The following DNAH6 variants were observed in gnomAD, a reference collection of about 807,000 sequenced individuals.
The protein encoded by DNAH6 is axonemal beta dynein heavy chain 6.
A neutral mutation model predicts 491.4 loss-of-function variants in DNAH6; 340 were observed. That is an observed-to-expected ratio of 0.69 (90% CI 0.63 to 0.76). DNAH6 has a LOEUF of 0.76. DNAH6 is among the 30% of genes least tolerant of loss of function. The pLI is 0.00. For missense variants in DNAH6, 4,443 were observed against 4,972.2 expected (o/e 0.89, Z 3.20); for synonymous variants, 1,603 against 1,686.1 (o/e 0.95, Z 1.21).
intron 29 of DNAH6, among the ~76,000 whole-genome samples, chr2:84,625,888 A>G (rs1687811018): frequency 6.6e-6 from 1 of 152,204 alleles, no homozygotes; most frequent in African/African-American, 2.4e-5. Flanking sequence ...GGACTCTGAA[A>G]AGAGGAATTT....
chr2:84,769,916 C>T (rs1176503296), intron 64 of DNAH6, among the ~76,000 whole-genome samples: 2 of 152,112 alleles, frequency 1.3e-5, no homozygotes, highest in Non-Finnish European at 2.9e-5. Flanking sequence ...TGAGTGTGTA[C>T]TCACAAAAGA....
the DNAH6 span, among the ~76,000 whole-genome samples, chr2:84,497,855 G>A: frequency 1.3e-5 from 2 of 152,158 alleles, no homozygotes; most frequent in Non-Finnish European, 2.9e-5. Context: ...GGCAATAGAT[G>A]GCATTAGAAT....
At chr2:84,686,683 C>A (rs1694291349) in intron 44 of DNAH6, 126 bp downstream of exon 44, 4 of 589,420 alleles carry the variant, frequency 6.8e-6, no homozygotes, top group Non-Finnish European at 1.2e-5. Flanking sequence ...CAGATGTCAG[C>A]AAACTATGGC....
At chr2:84,550,214 C>T (rs1245450808) in intron 9 of DNAH6, among the ~76,000 whole-genome samples, 157 bp downstream of exon 9, 3 of 152,122 alleles carry the variant, frequency 2.0e-5, no homozygotes, top group Admixed American at 2.0e-4. Context: ...AGACCAGTTT[C>T]ATGGAAGATA....
chr2:84,599,777 T>C (rs75687582), intron 18 of DNAH6, among the ~76,000 whole-genome samples: 4,364 of 152,298 alleles, frequency 0.029, 227 homozygotes, highest in African/African-American at 0.099. Flanking sequence ...CTAGTAAGTG[T>C]TGAAATCAAG....
chr2:84,479,599 T>C, the DNAH6 span, among the ~76,000 whole-genome samples: 1 of 152,206 alleles, frequency 6.6e-6, no homozygotes, highest in African/African-American at 2.4e-5. Flanking sequence ...CAAGATTCCC[T>C]GAGACCCTGA....
chr2:84,489,392 A>T, the DNAH6 span, among the ~76,000 whole-genome samples: 17 of 152,254 alleles, frequency 1.1e-4, no homozygotes, highest in African/African-American at 3.6e-4. Context: ...AAGTTAAAAG[A>T]TATGTATCAT....
chr2:84,471,007 A>G, the DNAH6 span, among the ~76,000 whole-genome samples: 1,679 of 152,256 alleles, frequency 0.011, 28 homozygotes, highest in African/African-American at 0.039. Context: ...TTTAGCATTT[A>G]TATGGAACAT....
At chr2:84,649,155 A>T (rs1690179829) in intron 33 of DNAH6, among the ~76,000 whole-genome samples, 1 of 152,236 alleles carries the variant, frequency 6.6e-6, no homozygotes, top group Admixed American at 6.5e-5. Flanking sequence ...TTGCATGCTT[A>T]AATGACTACA....
At chr2:84,468,129 C>G in the DNAH6 span, among the ~76,000 whole-genome samples, 1 of 152,176 alleles carries the variant, frequency 6.6e-6, no homozygotes, top group Non-Finnish European at 1.5e-5. Flanking sequence ...CCAAAGATTA[C>G]TAAAGTTACC....
At chr2:84,654,510 C>T in intron 34 of DNAH6, 150 bp from the exon 35 acceptor site, 1 of 1,003,828 alleles carries the variant, frequency 1.0e-6, no homozygotes, top group Non-Finnish European at 1.4e-6. Context: ...TTTCTAATTA[C>T]TTATTGCTCT....
intron 17 of DNAH6, among the ~76,000 whole-genome samples, chr2:84,595,094 G>A (rs1018760102): frequency 6.6e-6 from 1 of 152,062 alleles, no homozygotes; most frequent in African/African-American, 2.4e-5. Flanking sequence ...ACACTAGGGA[G>A]CAGAAGAAAA....
At chr2:84,528,312 A>G (rs114801762) in intron 3 of DNAH6, among the ~76,000 whole-genome samples, 2,232 of 152,296 alleles carry the variant, frequency 0.015, 36 homozygotes, top group Middle Eastern at 0.092. Flanking sequence ...AACTCTGGTA[A>G]TTCATTGCAC....
At chr2:84,800,993 AG>A (rs1678839078) in intron 70 of DNAH6, among the ~76,000 whole-genome samples, 1 of 150,796 alleles carries the variant, frequency 6.6e-6, no homozygotes, top group Non-Finnish European at 1.5e-5. Flanking sequence ...AACTATCGCA[AG>A]AACAAAAAAC....
intron 65 of DNAH6, 82 bp from the exon 66 acceptor site, chr2:84,784,640 A>G (rs1377304600): frequency 2.0e-5 from 17 of 838,346 alleles, no homozygotes; most frequent in East Asian, 2.7e-5. Flanking sequence ...TTCCTTCTCT[A>G]GAAATAATCA....
chr2:84,737,318 G>GT (rs1699603902), intron 62 of DNAH6, among the ~76,000 whole-genome samples: 1 of 151,954 alleles, frequency 6.6e-6, no homozygotes, highest in Admixed American at 6.6e-5. Flanking sequence ...CCAGATATTT[G>GT]TATCAGGATG....
In DNAH6 at chr2:84,685,189, G is replaced by A. The variant is rs1172109451; in HGVS notation, c.6917-137G>A. ...AAATGAGGTCACTATTAGTATATGT[G>A]TATATCCACTGGGGAAGCAGTCATT... is the stretch of plus-strand genomic sequence containing the variant. On this transcript the variant is annotated intron_variant, in intron 42 of 76. Transcript: ENST00000389394. The A allele has an allele frequency of 1.7e-5, 9 of 525,990 alleles. No homozygotes were observed. In the Admixed American group the frequency reaches 2.4e-4, roughly 14 times the overall value. 32.6% of individuals were successfully genotyped at this position (525,990 alleles called of 1,614,324 possible). A position where few individuals can be genotyped will look rare whatever the true frequency, so the allele number is the denominator to read the frequency against.
intron 52 of DNAH6, among the ~76,000 whole-genome samples, chr2:84,706,503 G>C (rs1696454618): frequency 6.6e-6 from 1 of 152,186 alleles, no homozygotes; most frequent in South Asian, 2.1e-4. Flanking sequence ...CAGCAGGCTA[G>C]ATTTGACCTG....
intron 51 of DNAH6, among the ~76,000 whole-genome samples, chr2:84,705,020 C>T (rs1330447433): frequency 2.6e-5 from 4 of 151,994 alleles, no homozygotes; most frequent in Non-Finnish European, 5.9e-5. Flanking sequence ...GACTGAGAAT[C>T]GTTGAACATT....
Sources: allele counts gnomAD v4.1 joint callset (sites outside exome capture counted in the v4.1 genomes callset), GRCh38; gene constraint gnomAD v4.1.1; transcripts MANE v1.5; gene names NCBI Gene and HGNC (gene_info 2026-07-23, HGNC 2026-07-21).